The following CD164L2 variants were observed in gnomAD, a reference collection of about 807,000 sequenced individuals.
CD164L2 encodes the protein CD164 sialomucin-like 2 protein.
A neutral mutation model predicts 23.9 loss-of-function variants in CD164L2; 21 were observed. The observed-to-expected ratio is 0.88, with a 90% CI of 0.62 to 1.27. The LOEUF (loss-of-function observed/expected upper bound fraction) is 1.27, where lower values mean the gene tolerates loss of function less well. CD164L2 is among the 50% of genes most tolerant of loss of function. The probability of loss-of-function intolerance (pLI) is 0.00; values close to 1 mark genes in which losing one functional copy is unlikely to be tolerated. For missense variants in CD164L2, 230 were observed against 224.8 expected (o/e 1.02, Z -0.15); for synonymous variants, 92 against 90.2 (o/e 1.02, Z -0.11).
intron 3 of CD164L2, 111 bp from the exon 4 acceptor site, chr1:27,381,935 TACTCTAG>T (rs1231822705): frequency 1.4e-6 from 2 of 1,436,316 alleles, no homozygotes; most frequent in African/African-American, 2.8e-5. Flanking sequence ...GCCCTGTCCC[TACTCTAG>T]ACATCCAACA....
chr1:27,379,881 C>T (rs1441787944), intron 5 of CD164L2, 170 bp downstream of exon 5: 2 of 1,503,136 alleles, frequency 1.3e-6, no homozygotes, highest in Admixed American at 2.3e-5. Context: ...ACAAAGGAAA[C>T]ACCCCAACTG....
In CD164L2 at chr1:27,383,323, G is replaced by T; in HGVS notation, c.-84C>A. ...GCGCGTCCCTCCCAGACTGGGCTCGGCTGAGCGTGTGCGGAGCGAGACCTG... is the reference window on the plus strand; with the variant it reads ...GCGCGTCCCTCCCAGACTGGGCTCGTCTGAGCGTGTGCGGAGCGAGACCTG... On this transcript the variant is annotated 5_prime_UTR_variant, in exon 1 of 6. Transcript: ENST00000374030. 1 of 894,346 alleles carries T rather than the reference G, an allele frequency of 1.1e-6. No homozygotes were observed. The highest frequency in any genetic ancestry group is 1.7e-6 in the Non-Finnish European group (1 of 591,668). The allele number at this position is 894,346 out of a possible 1,614,324, so 55.4% of individuals were successfully genotyped here.
Position 27,379,399 on chromosome 1 carries a change from C to T in CD164L2, c.*104G>A. 2 of 1,111,542 alleles carry T rather than the reference C, an allele frequency of 1.8e-6. No homozygotes were observed. Among genetic ancestry groups the T allele is most frequent in the Non-Finnish European group, 2.7e-6 (2 of 752,096 alleles). The allele number at this position is 1,111,542 out of a possible 1,614,324, so 68.9% of individuals were successfully genotyped here. A position where few individuals can be genotyped will look rare whatever the true frequency, so the allele number is the denominator to read the frequency against. On this transcript the variant is annotated 3_prime_UTR_variant, in exon 6 of 6. Coordinates refer to ENST00000374030, the MANE Select transcript of CD164L2 (RefSeq NM_001330448.1). ...GCCCGCAGGAGCCAAAAACTGGCGG[C>T]CAGAGTTTTTCCCGCCCCCGCCCCC...
chr1:27,379,595 A>G, intron 5 of CD164L2, 86 bp from the exon 6 acceptor site: 1 of 1,550,224 alleles, frequency 6.5e-7, no homozygotes, highest in South Asian at 1.2e-5. Flanking sequence ...GCAGCAGAGG[A>G]AGAGCAAACA....
intron 5 of CD164L2, 74 bp downstream of exon 5, chr1:27,379,977 C>T: frequency 6.3e-7 from 1 of 1,581,810 alleles, no homozygotes; most frequent in South Asian, 1.2e-5. Flanking sequence ...ACCCTGGGTA[C>T]TGAAGGGGAA....
Position 27,382,320 on chromosome 1 carries a change from C to T in CD164L2, c.328+8G>A, listed in dbSNP as rs1249617015. 1 of 1,614,136 alleles carries T rather than the reference C, an allele frequency of 6.2e-7. No homozygotes were observed. ...TGCAACTTGGCTTAGGTGCAAGAAC[C>T]CCCTTACCTGGACATGCCTCTGAGC... On this transcript the variant is annotated splice_region_variant and intron_variant, in intron 3 of 5. Transcript: ENST00000374030.
chr1:27,382,690 A>C (rs1026697669), intron 1 of CD164L2, 23 bp from the exon 2 acceptor site: 1 of 1,593,236 alleles, frequency 6.3e-7, no homozygotes, highest in African/African-American at 1.3e-5. Flanking sequence ...TGGAGTGGGA[A>C]GGGAGAATTC....
In CD164L2 at chr1:27,382,655, C is replaced by A. The variant is rs868089364; in HGVS notation, c.101G>T (p.Arg34Leu). 5 of 1,611,488 alleles carry A rather than the reference C, an allele frequency of 3.1e-6. No individual in the cohort carries two copies. The Middle Eastern group carries it at 6.2e-4, about 200-fold the overall frequency. ...AQLAVAGKGA[R>L]GFGRGALIRL... is the part of the protein sequence containing the mutation. ...GATCAGGGCTCCCCTCCCAAAGCCT[C>A]GAGCTCCTTTACCTGGTAGTGCGGT... The change falls in exon 2 of 6, where the codon CGA becomes CTA. Residue 34 changes from arginine (R) to leucine (L), a missense_variant. By Grantham distance (102) the Arg-to-Leu change is moderately radical. Transcript: ENST00000374030.
In CD164L2 at chr1:27,382,554, C is replaced by T. The variant is rs2474297; in HGVS notation, c.202G>A (p.Gly68Arg). 1,608,372 of 1,613,842 alleles carry T rather than the reference C, an allele frequency of 1. 801,621 individuals carry two copies. Among genetic ancestry groups the T allele is most frequent in the East Asian group, 1 (44,874 of 44,874 alleles). ...EVCEHCVEGD[G>R]ARNLSSCVWE... ...ACGCAGCTGGAGAGATTGCGCGCTC[C>T]GTCTCCCTCCACGCAGTGCTCACAG... is the stretch of plus-strand genomic sequence containing the variant. The change falls in exon 2 of 6, where the codon GGA becomes AGA. Residue 68 changes from glycine to arginine, a missense_variant. Coordinates refer to ENST00000374030, the MANE Select transcript of CD164L2 (RefSeq NM_001330448.1).
At chr1:27,380,234 T>A in intron 4 of CD164L2, 39 bp from the exon 5 acceptor site, 1 of 1,589,646 alleles carries the variant, frequency 6.3e-7, no homozygotes, top group Non-Finnish European at 8.6e-7. Context: ...TAGCAGTCAC[T>A]GTGAACCAGG....
rs1329058271 is a variant in CD164L2 at position 27,379,944 on chromosome 1, G to C, written c.518+107C>G. 3 of 1,546,190 alleles carry C rather than the reference G, an allele frequency of 1.9e-6. No individual in the cohort carries two copies. In the Admixed American group the frequency reaches 5.9e-5, roughly 30 times the overall value. ...TGGAGCACGCTGTCACCGTCCTGAG[G>C]GCTTGCCCATGGAGAAGACAGCACC... On this transcript the variant is annotated intron_variant, in intron 5 of 5. Transcript: ENST00000374030.
intron 4 of CD164L2, among the ~76,000 whole-genome samples, chr1:27,380,623 T>C (rs773238498): frequency 1.2e-4 from 18 of 152,192 alleles, no homozygotes; most frequent in Non-Finnish European, 2.6e-4. Context: ...AGAGCCAAGA[T>C]GCAGACGATA....
In CD164L2 at chr1:27,379,425, C is replaced by CCCG; in HGVS notation, c.*77_*78insCGG. The stretch of plus-strand genomic sequence containing the variant: ...CAGAGTTTTTCCCGCCCCCGCCCCC[C>CCCG]GCTTACCCACAAGGGTGCCCAGAGG... On this transcript the variant is annotated 3_prime_UTR_variant, in exon 6 of 6. Coordinates refer to ENST00000374030, the MANE Select transcript of CD164L2 (RefSeq NM_001330448.1). 3.4e-6 allele frequency: 4 copies of CCCG among 1,161,624 alleles called. No individual in the cohort carries two copies. The highest frequency in any genetic ancestry group is 5.0e-6 in the Non-Finnish European group (4 of 807,216). The allele number at this position is 1,161,624 out of a possible 1,614,324, so 72.0% of individuals were successfully genotyped here.
In CD164L2 at chr1:27,382,459, G is replaced by C; in HGVS notation, c.256+41C>G. 1.9e-6 allele frequency: 3 copies of C among 1,585,266 alleles called. No homozygotes were observed. The South Asian group carries it at 3.4e-5, about 18-fold the overall frequency. The stretch of plus-strand genomic sequence containing the variant: ...AGAGGGGCCAGGGCCTTGGGGTTCA[G>C]AGCTGGGGGCACTCAATCTGGGGAG... On this transcript the variant is annotated intron_variant, in intron 2 of 5. Transcript: ENST00000374030.
chr1:27,379,542 G>A, intron 5 of CD164L2, 33 bp from the exon 6 acceptor site: 1 of 1,550,540 alleles, frequency 6.4e-7, no homozygotes, highest in African/African-American at 1.4e-5. Context: ...TCAGGAAGGT[G>A]ACACTGCCTC....
chr1:27,379,524 G>T lies in CD164L2; in HGVS notation c.519-15C>A. 6.5e-7 allele frequency: 1 copy of T among 1,549,858 alleles called. No individual in the cohort carries two copies. The highest frequency in any genetic ancestry group is 8.7e-7 in the Non-Finnish European group (1 of 1,146,554). The stretch of plus-strand genomic sequence containing the variant: ...GGGGTCAGATTCTGCAGAGGCCAAA[G>T]AGGACACTCAGGAAGGTGACACTGC... On this transcript the variant is annotated splice_polypyrimidine_tract_variant and intron_variant, in intron 5 of 5. Coordinates refer to ENST00000374030, the MANE Select transcript of CD164L2 (RefSeq NM_001330448.1).
Position 27,383,223 on chromosome 1 carries a change from GGTCCCGGA to G in CD164L2, c.9_16del (p.Gly5ArgfsTer24). ...ACAGAGCGCAGTCCGCAAGGCGCGG[GGTCCCGGA>G]GCCTCCATGGGCTCGCGGGGTGGGG... On this transcript the variant is annotated frameshift_variant, in exon 1 of 6. Transcript: ENST00000374030. LOFTEE classifies it high-confidence loss of function. 6.5e-7 allele frequency: 1 copy of G among 1,545,538 alleles called. No homozygotes were observed. The highest frequency in any genetic ancestry group is 2.4e-5 in the East Asian group (1 of 40,910).
Position 27,380,032 on chromosome 1 carries a change from C to G in CD164L2, c.518+19G>C, listed in dbSNP as rs1284296722. 1 of 1,611,762 alleles carries G rather than the reference C, an allele frequency of 6.2e-7. No homozygotes were observed. The highest frequency in any genetic ancestry group is 8.5e-7 in the Non-Finnish European group (1 of 1,178,700). ...AGGTAAGCTGGGACTCAGGTACTTG[C>G]TGCTGGCCAGGTACTCACAGCGTCT... On this transcript the variant is annotated intron_variant, in intron 5 of 5. Coordinates refer to ENST00000374030, the MANE Select transcript of CD164L2 (RefSeq NM_001330448.1).
chr1:27,382,643 C>G lies in CD164L2; in HGVS notation c.113G>C (p.Arg38Thr). Residue 38 changes from arginine (R) to threonine (T), a missense_variant, in exon 2 of 6, where the codon AGG becomes ACG. Transcript: ENST00000374030. ...VAGKGARGFG[R>T]GALIRLNIWP... The stretch of plus-strand genomic sequence containing the variant: ...GATATTCAGGCGGATCAGGGCTCCC[C>G]TCCCAAAGCCTCGAGCTCCTTTACC... The G allele has an allele frequency of 6.2e-7, 1 of 1,612,162 alleles. No individual in the cohort carries two copies. Among genetic ancestry groups the G allele is most frequent in the Non-Finnish European group, 8.5e-7 (1 of 1,179,712 alleles).
Sources: allele counts gnomAD v4.1 joint callset (sites outside exome capture counted in the v4.1 genomes callset), GRCh38; gene constraint gnomAD v4.1.1; transcripts MANE v1.5; gene names NCBI Gene and HGNC (gene_info 2026-07-23, HGNC 2026-07-21).